The following KRT32 variants were observed in gnomAD, a reference collection of about 807,000 sequenced individuals.
KRT32 encodes the protein keratin 32.
KRT32 carries 44 observed loss-of-function variants against 41.8 expected under a neutral mutation model. That is an observed-to-expected ratio of 1.05 (90% CI 0.83 to 1.35). KRT32 has a LOEUF of 1.35. Among genes scored for constraint, KRT32 ranks in the 40% most tolerant of loss-of-function variants. The pLI, the probability that KRT32 is intolerant of heterozygous loss-of-function variation, is 0.00. For synonymous variants in KRT32, 238 were observed against 242.5 expected (o/e 0.98, Z 0.17); for missense variants, 576 against 584.6 (o/e 0.99, Z 0.15).
At position 41,467,322 on chromosome 17, in the gene KRT32, T is replaced by G. The variant is rs778746245; in HGVS notation, c.4A>C (p.Thr2Pro). 1.9e-6 allele frequency: 3 copies of G among 1,603,706 alleles called. No individual in the cohort carries two copies. The African/African-American group carries it at 4.0e-5, about 21-fold the overall frequency. The change falls in exon 1 of 7, where the codon ACA (threonine) becomes CCA (proline). Residue 2 changes from threonine (T) to proline (P), a missense_variant. Physicochemically the swap from Thr to Pro is conservative, Grantham distance 38. Transcript: ENST00000225899. ...TTGTTGGTGACACAGCAGGAGGATG[T>G]CATGTTGGAGAGGCCCTTTCTCCTC... M[T>P]SSCCVTNNLQ...
At chr17:41,463,846 T>G (rs1266155660) in intron 5 of KRT32, among the ~76,000 whole-genome samples, 2 of 152,162 alleles carry the variant, frequency 1.3e-5, no homozygotes, top group African/African-American at 4.8e-5. Context: ...GAACAAGCCT[T>G]CTTGTGGAGT....
In KRT32 at chr17:41,465,702, A is replaced by G. The variant is rs143521620; in HGVS notation, c.708+71T>C. On this transcript the variant is annotated intron_variant, in intron 3 of 6. Transcript: ENST00000225899. ...GGCTTGGGAATTTCAACCCACGCCTATCCAACCCCATACCCCACGTTCCTC... is the reference window on the plus strand; with the variant it reads ...GGCTTGGGAATTTCAACCCACGCCTGTCCAACCCCATACCCCACGTTCCTC... 3,588 of 1,520,938 alleles carry G rather than the reference A, an allele frequency of 2.4e-3. 79 individuals carry two copies. In the Admixed American group the frequency reaches 0.034, roughly 15 times the overall value. The allele number at this position is 1,520,938 out of a possible 1,614,324, so 94.2% of individuals were successfully genotyped here. A position where few individuals can be genotyped will look rare whatever the true frequency, so the allele number is the denominator to read the frequency against.
At chr17:41,463,353 T>C (rs1305199871) in intron 5 of KRT32, among the ~76,000 whole-genome samples, 1 of 152,236 alleles carries the variant, frequency 6.6e-6, no homozygotes, top group Admixed American at 6.5e-5. Context: ...CGGCATCATT[T>C]AGAACAGGGG....
intron 1 of KRT32, among the ~76,000 whole-genome samples, chr17:41,466,506 A>G (rs548301192): frequency 6.6e-6 from 1 of 152,356 alleles, no homozygotes; most frequent in Non-Finnish European, 1.5e-5. Context: ...CTTACCGTGG[A>G]CCAGGGGCTG....
intron 1 of KRT32, 120 bp downstream of exon 1, chr17:41,466,738 G>T: frequency 1.4e-6 from 1 of 690,972 alleles, no homozygotes; most frequent in Non-Finnish European, 2.4e-6. Flanking sequence ...ATAACCCTAT[G>T]CCCTAGGGAA....
Position 41,464,146 on chromosome 17 carries a change from A to G in KRT32, c.928T>C (p.Ser310Pro), listed in dbSNP as rs769203785. Residue 310 changes from serine to proline, a missense_variant, in exon 5 of 7, where the codon TCA (serine) becomes CCA (proline). Coordinates refer to ENST00000225899, the MANE Select transcript of KRT32 (RefSeq NM_002278.3). ...TSSEQLQNYQ[S>P]DIIDLRRTVN... ...GTGCGTCTCAGGTCAATGATGTCTGACTGGTAGTTCTGAAGCTGCTCAGAG... is the reference window on the plus strand; with the variant it reads ...GTGCGTCTCAGGTCAATGATGTCTGGCTGGTAGTTCTGAAGCTGCTCAGAG... The G allele has an allele frequency of 1.2e-6, 2 of 1,613,214 alleles. No homozygotes were observed. Among genetic ancestry groups the G allele is most frequent in the South Asian group, 2.2e-5 (2 of 90,988 alleles).
chr17:41,467,000 C>T lies in KRT32; in HGVS notation c.326G>A (p.Ser109Asn). Residue 109 changes from serine to asparagine, a missense_variant, in exon 1 of 7, where the codon AGC becomes AAC. By Grantham distance (46) the Ser-to-Asn change is conservative. Coordinates refer to ENST00000225899, the MANE Select transcript of KRT32 (RefSeq NM_002278.3). Reference protein sequence around the residue: ...TMQFLNDRLASYLTRVRQLEQ... With the variant: ...TMQFLNDRLANYLTRVRQLEQ... ...CAGCTGCCGCACCCTCGTCAGGTAG[C>T]TGGCCAGGCGGTCGTTAAGGAACTG... 1.9e-6 allele frequency: 3 copies of T among 1,614,258 alleles called. No individual in the cohort carries two copies. Among genetic ancestry groups the T allele is most frequent in the Non-Finnish European group, 2.5e-6 (3 of 1,180,046 alleles).
Position 41,466,124 on chromosome 17 carries a change from G to A in KRT32, c.521C>T (p.Ala174Val), listed in dbSNP as rs761362428. 10 of 1,614,172 alleles carry A rather than the reference G, an allele frequency of 6.2e-6. No homozygotes were observed. The South Asian group carries it at 9.9e-5, about 16-fold the overall frequency. ...CCTGAAGTCATCGGCAGCCAGTTTGGCATTATCAATGTTCACAACCATCCT... is the reference window on the plus strand; with the variant it reads ...CCTGAAGTCATCGGCAGCCAGTTTGACATTATCAATGTTCACAACCATCCT... ...NARMVVNIDN[A>V]KLAADDFRAK... The change falls in exon 2 of 7, where the codon GCC becomes GTC. Residue 174 changes from alanine to valine, a missense_variant. Coordinates refer to ENST00000225899, the MANE Select transcript of KRT32 (RefSeq NM_002278.3).
chr17:41,467,351 C>A lies in KRT32; in HGVS notation c.-26G>T. ...GTTGGAGAGGCCCTTTCTCCTCAGC[C>A]ACAGCTACCTGGATGTCTACAGACC... On this transcript the variant is annotated 5_prime_UTR_variant, in exon 1 of 7. Coordinates refer to ENST00000225899, the MANE Select transcript of KRT32 (RefSeq NM_002278.3). 6.4e-7 allele frequency: 1 copy of A among 1,554,034 alleles called. No individual in the cohort carries two copies. The highest frequency in any genetic ancestry group is 8.8e-7 in the Non-Finnish European group (1 of 1,140,736).
At position 41,467,078 on chromosome 17, in the gene KRT32, G is replaced by C. The variant is rs770482164; in HGVS notation, c.248C>G (p.Pro83Arg). ...GGCCCCTTCGCTGTACCAGCTGCCGGGGCCCATGGAGCCGGAGATGCCACT... is the reference window on the plus strand; with the variant it reads ...GGCCCCTTCGCTGTACCAGCTGCCGCGGCCCATGGAGCCGGAGATGCCACT... ...AASGISGSMGPGSWYSEGAFN... is the reference protein window; with the variant it reads ...AASGISGSMGRGSWYSEGAFN... Residue 83 changes from proline to arginine, a missense_variant, in exon 1 of 7, where the codon CCC becomes CGC. By Grantham distance (103) the Pro-to-Arg change is moderately radical (BLOSUM62 -2). Transcript: ENST00000225899. 6.2e-7 allele frequency: 1 copy of C among 1,614,238 alleles called. No homozygotes were observed. Among genetic ancestry groups the C allele is most frequent in the South Asian group, 1.1e-5 (1 of 91,090 alleles).
intron 6 of KRT32, among the ~76,000 whole-genome samples, chr17:41,461,175 C>T (rs2018999060): frequency 2.6e-5 from 4 of 152,220 alleles, no homozygotes; most frequent in African/African-American, 7.2e-5. Flanking sequence ...GTACATGTAT[C>T]TCCTTTCATC....
intron 6 of KRT32, among the ~76,000 whole-genome samples, 167 bp downstream of exon 6, chr17:41,462,663 A>T (rs2019014270): frequency 6.6e-6 from 1 of 152,244 alleles, no homozygotes; most frequent in Non-Finnish European, 1.5e-5. Context: ...GGATGGCAGC[A>T]TGAACACCAC....
At chr17:41,462,700 G>T in intron 6 of KRT32, 130 bp downstream of exon 6, 1 of 1,009,114 alleles carries the variant, frequency 9.9e-7, no homozygotes, top group Non-Finnish European at 1.5e-6. Context: ...GAGCATACCA[G>T]CTTCTTAATG....
chr17:41,459,996 G>A lies in KRT32; in HGVS notation c.*114C>T, dbSNP rs9893325. 16 of 1,139,628 alleles carry A rather than the reference G, an allele frequency of 1.4e-5. No individual in the cohort carries two copies. The highest frequency in any genetic ancestry group is 1.2e-5 in the Non-Finnish European group (10 of 819,746). 70.6% of individuals were successfully genotyped at this position (1,139,628 alleles called of 1,614,324 possible). A position where few individuals can be genotyped will look rare whatever the true frequency, so the allele number is the denominator to read the frequency against. On this transcript the variant is annotated 3_prime_UTR_variant, in exon 7 of 7. Coordinates refer to ENST00000225899, the MANE Select transcript of KRT32 (RefSeq NM_002278.3). The stretch of plus-strand genomic sequence containing the variant: ...TCAGAGCTTGTTGCAGGTGATCCAC[G>A]GTCCTGCTCAGGGTCTTCCTTGCTG...
At chr17:41,461,077 C>T (rs936310588) in intron 6 of KRT32, among the ~76,000 whole-genome samples, 4 of 152,144 alleles carry the variant, frequency 2.6e-5, no homozygotes, top group African/African-American at 9.7e-5. Context: ...CTCCACTCAC[C>T]TACATTTCTT....
chr17:41,466,708 C>G (rs2019071795), intron 1 of KRT32, 150 bp downstream of exon 1: 3 of 625,388 alleles, frequency 4.8e-6, no homozygotes, highest in South Asian at 4.1e-5. Flanking sequence ...AAGCCTCAGG[C>G]TGAGTGCTCA....
intron 6 of KRT32, among the ~76,000 whole-genome samples, chr17:41,461,638 C>T (rs1193885066): frequency 6.6e-6 from 1 of 152,196 alleles, no homozygotes; most frequent in African/African-American, 2.4e-5. Flanking sequence ...TAGAAGTGGC[C>T]CTGAGGGCAT....
chr17:41,461,112 C>G (rs1254594120), intron 6 of KRT32, among the ~76,000 whole-genome samples: 1 of 152,134 alleles, frequency 6.6e-6, no homozygotes, highest in Non-Finnish European at 1.5e-5. Context: ...CTCAACTCAA[C>G]TCTCACGTCC....
intron 3 of KRT32, 150 bp from the exon 4 acceptor site, chr17:41,464,593 A>G (rs2019047358): frequency 9.3e-6 from 6 of 642,468 alleles, no homozygotes; most frequent in Middle Eastern, 3.1e-4. Flanking sequence ...GCAGCATCCC[A>G]GTGCTCTTCA....
Sources: gnomAD v4.1 joint callset for allele counts (sites outside exome capture counted in the v4.1 genomes callset) on GRCh38, gnomAD v4.1.1 for gene constraint, MANE v1.5 for transcripts, NCBI Gene and HGNC (gene_info 2026-07-23, HGNC 2026-07-21) for gene names.